The following PANX2 variants were observed in gnomAD, a reference collection of about 807,000 sequenced individuals.
PANX2 encodes pannexin 2, also known as pannexin-2.
Under a neutral mutation model 38.7 loss-of-function variants are expected in PANX2, and 30 were observed. The ratio of observed to expected loss-of-function variants is 0.78; its 90% CI spans 0.58 to 1.05. The LOEUF is 1.05. Among genes scored for constraint, PANX2 ranks in the 50% least tolerant of loss-of-function variants. The pLI is 0.00. For missense variants in PANX2, 880 were observed against 979.3 expected, an observed-to-expected ratio of 0.90 and a Z score of 1.35; for synonymous variants, 539 against 472.1, an observed-to-expected ratio of 1.14 and a Z score of -1.84.
Position 50,177,427 on chromosome 22 carries a change from G to T in PANX2, c.715G>T (p.Ala239Ser), listed in dbSNP as rs377595220. The change falls in exon 2 of 3, where the codon GCC (alanine) becomes TCC (serine). Residue 239 changes from alanine (A) to serine (S), a missense_variant. Around this residue, in one of 4 missense-constraint regions of PANX2, gnomAD observed 114 missense variants for 108.8 expected, o/e 1.05. Transcript: ENST00000395842. Reference protein sequence around the residue: ...ARHVLILLLSAVPISYLCTYY... With the variant: ...ARHVLILLLSSVPISYLCTYY... ...GCACGTGCTGATCCTGCTGCTGAGC[G>T]CCGTGCCCATCTCCTACCTGTGCAC... The T allele has an allele frequency of 1.1e-5, 18 of 1,608,464 alleles. No homozygotes were observed. The highest frequency in any genetic ancestry group is 3.3e-4 in the Middle Eastern group (2 of 6,078).
At position 50,177,507 on chromosome 22, in the gene PANX2, G is replaced by A. The variant is rs1361877858; in HGVS notation, c.795G>A (p.Pro265=). Residue 265 remains proline (P), a synonymous_variant, in exon 2 of 3, where the codon CCG becomes CCA. Coordinates refer to ENST00000395842, the MANE Select transcript of PANX2 (RefSeq NM_052839.4). ...NEFTCALGAS[P]DGAAGAGPAV... is the part of the protein sequence containing the mutation. ...TCACCTGCGCGCTGGGCGCGTCCCC[G>A]GACGGGGCGGCAGGTGCGGGGCCCG... 8.7e-6 allele frequency: 14 copies of A among 1,609,498 alleles called. No homozygotes were observed. The highest frequency in any genetic ancestry group is 1.2e-5 in the Non-Finnish European group (14 of 1,178,298).
chr22:50,174,704 C>T (rs1408041901), intron 1 of PANX2, among the ~76,000 whole-genome samples: 1 of 152,244 alleles, frequency 6.6e-6, no homozygotes, highest in Non-Finnish European at 1.5e-5. Flanking sequence ...GTCCCACTGT[C>T]CCTGGGAAGT....
Position 50,170,831 on chromosome 22 carries a change from C to G in PANX2, c.101C>G (p.Ala34Gly). Residue 34 changes from alanine to glycine, a missense_variant, in exon 1 of 3, where the codon GCG becomes GGG. This residue lies in a region of PANX2 where 243 missense variants were observed against 333.1 expected (regional missense o/e 0.73). Transcript: ENST00000395842. ...CTGCCGGGCGCGCAGGACGACAAGG[C>G]GGGCGCGCTGGCCGCGCTGCTTCTG... is the stretch of plus-strand genomic sequence containing the variant. ...LILPGAQDDKAGALAALLLQL... is the reference protein window; with the variant it reads ...LILPGAQDDKGGALAALLLQL... 6.7e-7 allele frequency: 1 copy of G among 1,486,200 alleles called. No homozygotes were observed. The highest frequency in any genetic ancestry group is 2.3e-5 in the Admixed American group (1 of 42,940). The allele number at this position is 1,486,200 out of a possible 1,614,324, so 92.1% of individuals were successfully genotyped here.
At chr22:50,178,698 G>A (rs963728276) in intron 2 of PANX2, among the ~76,000 whole-genome samples, 5 of 152,226 alleles carry the variant, frequency 3.3e-5, no homozygotes, top group African/African-American at 7.2e-5. Context: ...CTCCGCGTGC[G>A]TGGTGCAGCC....
In PANX2 at chr22:50,177,775, C is replaced by G; in HGVS notation, c.1063C>G (p.Arg355Gly). 1 of 1,606,682 alleles carries G rather than the reference C, an allele frequency of 6.2e-7. No homozygotes were observed. Among genetic ancestry groups the G allele is most frequent in the East Asian group, 2.2e-5 (1 of 44,884 alleles). Reference sequence around the variant, plus strand: ...CCTGGCCATGTTCTGCAACGAGAACCGCGACCACATCAAGTCGCTCAACCG... The same window carrying G: ...CCTGGCCATGTTCTGCAACGAGAACGGCGACCACATCAAGTCGCTCAACCG... ...NILAMFCNEN[R>G]DHIKSLNRLD... Residue 355 changes from arginine to glycine, a missense_variant, in exon 2 of 3, where the codon CGC (arginine) becomes GGC (glycine). By Grantham distance (125) the Arg-to-Gly change is moderately radical (BLOSUM62 -2). Around this residue, in one of 4 missense-constraint regions of PANX2, gnomAD observed 78 missense variants for 133.1 expected, o/e 0.59. Transcript: ENST00000395842.
chr22:50,177,520 G>A lies in PANX2; in HGVS notation c.808G>A (p.Gly270Ser), dbSNP rs1393168524. ...ALGASPDGAA[G>S]AGPAVRVSCK... is the part of the protein sequence containing the mutation. ...GGGCGCGTCCCCGGACGGGGCGGCA[G>A]GTGCGGGGCCCGCGGTGCGCGTGAG... is the stretch of plus-strand genomic sequence containing the variant. Residue 270 changes from glycine (G) to serine (S), a missense_variant, in exon 2 of 3, where the codon GGT (glycine) becomes AGT (serine). Gly to Ser is a moderately conservative substitution (Grantham distance 56, BLOSUM62 0). Transcript: ENST00000395842. The A allele has an allele frequency of 1.2e-6, 2 of 1,609,668 alleles. No individual in the cohort carries two copies. Among genetic ancestry groups the A allele is most frequent in the Non-Finnish European group, 1.7e-6 (2 of 1,178,422 alleles).
At chr22:50,175,989 G>C (rs1333089520) in intron 1 of PANX2, among the ~76,000 whole-genome samples, 3 of 152,224 alleles carry the variant, frequency 2.0e-5, no homozygotes, top group East Asian at 3.9e-4. Context: ...GCCCTGCCCT[G>C]GGGCTGCTCT....
At chr22:50,172,060 C>CG (rs1403300000) in intron 1 of PANX2, among the ~76,000 whole-genome samples, 2 of 152,030 alleles carry the variant, frequency 1.3e-5, no homozygotes, top group African/African-American at 4.8e-5. Flanking sequence ...GGCCAGACCC[C>CG]GGGGATTAGA....
chr22:50,179,066 TG>T lies in PANX2; in HGVS notation c.1826del (p.Gly609AlafsTer9). The T allele has an allele frequency of 6.2e-7, 1 of 1,611,074 alleles. No individual in the cohort carries two copies. The highest frequency in any genetic ancestry group is 8.5e-7 in the Non-Finnish European group (1 of 1,179,150). Reference protein sequence around the residue: ...PAVAPLTPASLGKAEPLTILS... With the variant: ...PAVAPLTPASXGKAEPLTILS... ...GTGGCCCCTCTGACACCAGCCAGCC[TG>T]GGCAAGGCGGAGCCCCTCACCATCC... On this transcript the variant is annotated frameshift_variant, in exon 3 of 3. Coordinates refer to ENST00000395842, the MANE Select transcript of PANX2 (RefSeq NM_052839.4). LOFTEE classifies it high-confidence loss of function.
intron 1 of PANX2, among the ~76,000 whole-genome samples, chr22:50,174,966 A>C (rs1477276409): frequency 6.6e-6 from 1 of 152,200 alleles, no homozygotes; most frequent in Non-Finnish European, 1.5e-5. Context: ...CAGCGGGTCC[A>C]GGGAGGAGGG....
chr22:50,179,093 T>G lies in PANX2; in HGVS notation c.1850T>G (p.Leu617Arg), dbSNP rs1370496888. Reference sequence around the variant, plus strand: ...GGCAAGGCGGAGCCCCTCACCATCCTGAGCCGAAACGCCACACACCCGCTG... The same window carrying G: ...GGCAAGGCGGAGCCCCTCACCATCCGGAGCCGAAACGCCACACACCCGCTG... Reference protein sequence around the residue: ...SLGKAEPLTILSRNATHPLLH... With the variant: ...SLGKAEPLTIRSRNATHPLLH... Residue 617 changes from leucine to arginine, a missense_variant, in exon 3 of 3, where the codon CTG becomes CGG. Physicochemically the swap from Leu to Arg is moderately radical, Grantham distance 102 (BLOSUM62 -2). Coordinates refer to ENST00000395842, the MANE Select transcript of PANX2 (RefSeq NM_052839.4). 1 of 1,611,670 alleles carries G rather than the reference T, an allele frequency of 6.2e-7. No individual in the cohort carries two copies. Among genetic ancestry groups the G allele is most frequent in the Non-Finnish European group, 8.5e-7 (1 of 1,179,408 alleles).
chr22:50,178,317 C>A lies in PANX2; in HGVS notation c.1605C>A (p.Ala535=). 1 of 1,514,462 alleles carries A rather than the reference C, an allele frequency of 6.6e-7. No individual in the cohort carries two copies. The highest frequency in any genetic ancestry group is 8.8e-7 in the Non-Finnish European group (1 of 1,137,790). 93.8% of individuals were successfully genotyped at this position (1,514,462 alleles called of 1,614,324 possible). A position where few individuals can be genotyped will look rare whatever the true frequency, so the allele number is the denominator to read the frequency against. Residue 535 remains alanine, a synonymous_variant, in exon 2 of 3, where the codon GCC becomes GCA. Transcript: ENST00000395842. ...CCAAGGCCGAGGCGGTGCCCGCCGC[C>A]CTGCCCGCCTCCCGGAGCCAGGAGG... is the stretch of plus-strand genomic sequence containing the variant. ...KKAKAEAVPA[A]LPASRSQEGG...
At chr22:50,171,049 CCAGCCG>C in intron 1 of PANX2, 93 bp downstream of exon 1, 1 of 536,994 alleles carries the variant, frequency 1.9e-6, no homozygotes. Context: ...GCGGCTCCGT[CCAGCCG>C]CGCCCACCGT....
In PANX2 at chr22:50,177,355, G is replaced by A; in HGVS notation, c.643G>A (p.Glu215Lys). Residue 215 changes from glutamate (E) to lysine (K), a missense_variant, in exon 2 of 3, where the codon GAG becomes AAG. By Grantham distance (56) the Glu-to-Lys change is moderately conservative. Coordinates refer to ENST00000395842, the MANE Select transcript of PANX2 (RefSeq NM_052839.4). The stretch of plus-strand genomic sequence containing the variant: ...GCAGAACCTGTTCGAGAAGTACCTG[G>A]AGCGCCGCGGCCGCAGCAACTTCCT... ...PEQNLFEKYL[E>K]RRGRSNFLAK... 6.2e-7 allele frequency: 1 copy of A among 1,610,098 alleles called. No homozygotes were observed. The highest frequency in any genetic ancestry group is 8.5e-7 in the Non-Finnish European group (1 of 1,178,550).
chr22:50,178,358 A>G lies in PANX2; in HGVS notation c.1646A>G (p.Gln549Arg). Residue 549 changes from glutamine (Q) to arginine (R), a missense_variant, in exon 2 of 3, where the codon CAG becomes CGG. Gln to Arg is a conservative substitution (Grantham distance 43, BLOSUM62 1). Coordinates refer to ENST00000395842, the MANE Select transcript of PANX2 (RefSeq NM_052839.4). ...SRSQEGGFLS[Q>R]AEDCGLGLAP... ...AGCCAGGAGGGGGGCTTCCTGTCCCAGGCGGAGGACTGTGGGCTAGGCCTG... is the reference window on the plus strand; with the variant it reads ...AGCCAGGAGGGGGGCTTCCTGTCCCGGGCGGAGGACTGTGGGCTAGGCCTG... The G allele has an allele frequency of 6.7e-7, 1 of 1,487,376 alleles. No individual in the cohort carries two copies. The allele number at this position is 1,487,376 out of a possible 1,614,324, so 92.1% of individuals were successfully genotyped here.
chr22:50,174,874 G>A lies in PANX2; in HGVS notation c.227-2065G>A, dbSNP rs550720247. On this transcript the variant is annotated intron_variant, in intron 1 of 2. Coordinates refer to ENST00000395842, the MANE Select transcript of PANX2 (RefSeq NM_052839.4). ...GCTAGAAGCTGTGGCAGCATCCACC[G>A]GGAAAGGCCCGGCTGCCAGCACAGC... 3.9e-3 allele frequency among the ~76,000 whole-genome samples: 598 copies of A among 152,312 alleles called. 5 individuals carry two copies. The highest frequency in any genetic ancestry group is 0.014 in the African/African-American group (576 of 41,566).
chr22:50,177,848 T>C lies in PANX2; in HGVS notation c.1136T>C (p.Val379Ala). ...AGCGACCTCATGTACGACAACGTGG[T>C]CCGGCAGCTGCTGGCGGCGCTGGCG... ...NESDLMYDNV[V>A]RQLLAALAQS... Residue 379 changes from valine (V) to alanine (A), a missense_variant, in exon 2 of 3, where the codon GTC becomes GCC. Physicochemically the swap from Val to Ala is moderately conservative, Grantham distance 64 (BLOSUM62 0). Transcript: ENST00000395842. 1 of 1,589,482 alleles carries C rather than the reference T, an allele frequency of 6.3e-7. No homozygotes were observed. The highest frequency in any genetic ancestry group is 8.5e-7 in the Non-Finnish European group (1 of 1,174,652).
chr22:50,171,476 G>A (rs6010196), intron 1 of PANX2, among the ~76,000 whole-genome samples: 17,122 of 152,202 alleles, frequency 0.11, 1,060 homozygotes, highest in East Asian at 0.2. Context: ...CTCTCCGGGT[G>A]CACTGGGGGC....
At position 50,179,364 on chromosome 22, in the gene PANX2, G is replaced by C; in HGVS notation, c.*87G>C. On this transcript the variant is annotated 3_prime_UTR_variant, in exon 3 of 3. Coordinates refer to ENST00000395842, the MANE Select transcript of PANX2 (RefSeq NM_052839.4). Reference sequence around the variant, plus strand: ...TCCCGGTGGACACCAGCCCTGCGTGGACGTGGCCTGTGCTTCGCCCGCACT... The same window carrying C: ...TCCCGGTGGACACCAGCCCTGCGTGCACGTGGCCTGTGCTTCGCCCGCACT... The C allele has an allele frequency of 8.1e-7, 1 of 1,233,308 alleles. No individual in the cohort carries two copies. Among genetic ancestry groups the C allele is most frequent in the Non-Finnish European group, 1.2e-6 (1 of 867,988 alleles). The allele number at this position is 1,233,308 out of a possible 1,614,324, so 76.4% of individuals were successfully genotyped here.
Sources: allele counts gnomAD v4.1 joint callset (sites outside exome capture counted in the v4.1 genomes callset), GRCh38; gene constraint gnomAD v4.1.1; regional missense constraint gnomAD v4.1.1; transcripts MANE v1.5; gene names NCBI Gene and HGNC (gene_info 2026-07-23, HGNC 2026-07-21).